AKR1C1: variants seen among roughly 807,000 people sequenced by gnomAD.
The protein encoded by AKR1C1 is aldo-keto reductase family 1 member C1.
A neutral mutation model predicts 40.6 loss-of-function variants in AKR1C1; 32 were observed. That is an observed-to-expected ratio of 0.79 (90% CI 0.60 to 1.06). AKR1C1 has a LOEUF of 1.06. Ranked by LOEUF, AKR1C1 falls within the 50% of genes least tolerant of loss-of-function variation. AKR1C1 has a pLI of 0.00. For synonymous variants in AKR1C1, 105 were observed against 134.2 expected, an observed-to-expected ratio of 0.78 and a Z score of 1.50; for missense variants, 320 against 363.5, an observed-to-expected ratio of 0.88 and a Z score of 0.97.
At position 4,977,872 on chromosome 10, in the gene AKR1C1, C is replaced by A; in HGVS notation, c.*130C>A. 7.2e-7 allele frequency: 1 copy of A among 1,397,934 alleles called. No homozygotes were observed. The highest frequency in any genetic ancestry group is 9.8e-7 in the Non-Finnish European group (1 of 1,024,596). 86.6% of individuals were successfully genotyped at this position (1,397,934 alleles called of 1,614,324 possible). ...TCTCCTGCTTGGTGATTTCAGCAAG[C>A]TACAGCAAAGCCCATTGGCCAGAAA... is the stretch of plus-strand genomic sequence containing the variant. On this transcript the variant is annotated 3_prime_UTR_variant, in exon 9 of 9. Transcript: ENST00000380872.
At chr10:4,969,485 G>T (rs1009639804) in intron 5 of AKR1C1, among the ~76,000 whole-genome samples, 1 of 146,592 alleles carries the variant, frequency 6.8e-6, no homozygotes. Context: ...GTCATCCATG[G>T]TAGAAAGAGA....
chr10:4,968,947 G>A lies in AKR1C1; in HGVS notation c.570+3G>A, dbSNP rs776692909. 1 of 1,614,178 alleles carries A rather than the reference G, an allele frequency of 6.2e-7. No homozygotes were observed. The highest frequency in any genetic ancestry group is 1.7e-5 in the Admixed American group (1 of 60,020). ...AGTACAAGCCTGTCTGCAACCAGGT[G>A]AGCACCCTCAGCCTCCTCTCCTTTC... On this transcript the variant is annotated splice_donor_region_variant and intron_variant, in intron 5 of 8. Transcript: ENST00000380872.
At chr10:4,968,701 T>C (rs1836368420) in intron 4 of AKR1C1, 121 bp from the exon 5 acceptor site, 1 of 1,491,962 alleles carries the variant, frequency 6.7e-7, no homozygotes, top group South Asian at 1.3e-5. Context: ...TCTGTTTTAT[T>C]TTTTCCCTTT....
chr10:4,975,287 A>G (rs1836510047), intron 7 of AKR1C1, among the ~76,000 whole-genome samples: 1 of 152,064 alleles, frequency 6.6e-6, no homozygotes, highest in Non-Finnish European at 1.5e-5. Context: ...GGATTTATAC[A>G]CTTATTTGAT....
chr10:4,972,551 T>C (rs782436310), intron 6 of AKR1C1, 33 bp from the exon 7 acceptor site: 5 of 1,611,072 alleles, frequency 3.1e-6, no homozygotes, highest in Admixed American at 1.7e-5. Context: ...ATCCCCAGCC[T>C]CAGGGCCTCA....
intron 8 of AKR1C1, 27 bp from the exon 9 acceptor site, chr10:4,977,673 A>T (rs182908887): frequency 6.2e-7 from 1 of 1,612,436 alleles, no homozygotes; most frequent in Non-Finnish European, 8.5e-7. Context: ...TGCCATTCAG[A>T]GTGTGCATTT....
At chr10:4,971,771 A>G (rs554726280) in intron 5 of AKR1C1, among the ~76,000 whole-genome samples, 1 of 151,988 alleles carries the variant, frequency 6.6e-6, no homozygotes, top group Non-Finnish European at 1.5e-5. Flanking sequence ...TATATGTCAG[A>G]TCAATTAGAA....
In AKR1C1 at chr10:4,966,168, G is replaced by A; in HGVS notation, c.252+87G>A. On this transcript the variant is annotated intron_variant, in intron 2 of 8. Coordinates refer to ENST00000380872, the MANE Select transcript of AKR1C1 (RefSeq NM_001353.6). The stretch of plus-strand genomic sequence containing the variant: ...GTTCTATGACTGGATCCATAGTATA[G>A]GGTGAATTGTGCTTATTTATTACGA... 2.0e-6 allele frequency: 3 copies of A among 1,517,274 alleles called. No homozygotes were observed. The South Asian group carries it at 4.1e-5, about 21-fold the overall frequency. 94.0% of individuals were successfully genotyped at this position (1,517,274 alleles called of 1,614,324 possible). A position where few individuals can be genotyped will look rare whatever the true frequency, so the allele number is the denominator to read the frequency against.
Position 4,969,806 on chromosome 10 carries a change from T to G in AKR1C1, c.570+862T>G, listed in dbSNP as rs7087263. 8.8e-4 allele frequency: 1,328 copies of G among 1,510,756 alleles called. 12 individuals carry two copies. The African/African-American group carries it at 0.016, about 18-fold the overall frequency. The allele number at this position is 1,510,756 out of a possible 1,614,324, so 93.6% of individuals were successfully genotyped here. A position where few individuals can be genotyped will look rare whatever the true frequency, so the allele number is the denominator to read the frequency against. The stretch of plus-strand genomic sequence containing the variant: ...CTACACTTTTCCCAGTAAATTACAT[T>G]TTTTTGTTTTATTTTATGTTTTAAA... On this transcript the variant is annotated intron_variant, in intron 5 of 8. Coordinates refer to ENST00000380872, the MANE Select transcript of AKR1C1 (RefSeq NM_001353.6).
intron 6 of AKR1C1, 57 bp from the exon 7 acceptor site, chr10:4,972,527 G>A (rs1373517446): frequency 1.1e-5 from 18 of 1,610,402 alleles, no homozygotes; most frequent in African/African-American, 8.0e-5. Flanking sequence ...TTAGGGAGCC[G>A]CCTAACAAAC....
At chr10:4,977,464 T>C (rs1404080487) in intron 8 of AKR1C1, among the ~76,000 whole-genome samples, 1 of 152,228 alleles carries the variant, frequency 6.6e-6, no homozygotes, top group Non-Finnish European at 1.5e-5. Flanking sequence ...CATTTCACTT[T>C]GTGTGTTTTA....
intron 1 of AKR1C1, 182 bp from the exon 2 acceptor site, chr10:4,965,732 T>C: frequency 1.6e-6 from 1 of 625,858 alleles, no homozygotes; most frequent in Non-Finnish European, 2.6e-6. Flanking sequence ...AAGTTCCTGC[T>C]GTGCCCAACC....
At chr10:4,968,417 G>A in intron 4 of AKR1C1, 31 bp downstream of exon 4, 1 of 1,407,604 alleles carries the variant, frequency 7.1e-7, no homozygotes, top group Non-Finnish European at 9.9e-7. Context: ...GAACGGATAA[G>A]AAAGATGAGG....
intron 1 of AKR1C1, among the ~76,000 whole-genome samples, chr10:4,964,437 T>C (rs761545382): frequency 1.3e-5 from 2 of 152,210 alleles, no homozygotes; most frequent in Non-Finnish European, 2.9e-5. Flanking sequence ...GCTCCAGCTT[T>C]GGTAAGCCTT....
intron 7 of AKR1C1, among the ~76,000 whole-genome samples, 155 bp downstream of exon 7, chr10:4,972,904 C>T (rs1288357972): frequency 1.5e-4 from 23 of 152,394 alleles, no homozygotes; most frequent in South Asian, 8.3e-4. Context: ...TTCTTCTACT[C>T]TAGCACAGGA....
rs548129730 is a variant in AKR1C1 at position 4,967,352 on chromosome 10, T to C, written c.369+309T>C. On this transcript the variant is annotated intron_variant, in intron 3 of 8. Coordinates refer to ENST00000380872, the MANE Select transcript of AKR1C1 (RefSeq NM_001353.6). ...TGATTCCTGATTTCACCTCTTGGGATGTTCACAGACACAGAGTTTCATGAA... is the reference window on the plus strand; with the variant it reads ...TGATTCCTGATTTCACCTCTTGGGACGTTCACAGACACAGAGTTTCATGAA... 190 of 1,105,946 alleles carry C rather than the reference T, an allele frequency of 1.7e-4. No homozygotes were observed. The Middle Eastern group carries it at 3.0e-3, about 17-fold the overall frequency. 68.5% of individuals were successfully genotyped at this position (1,105,946 alleles called of 1,614,324 possible). A position where few individuals can be genotyped will look rare whatever the true frequency, so the allele number is the denominator to read the frequency against.
At chr10:4,968,243 T>C (rs1218385695) in intron 3 of AKR1C1, 66 bp from the exon 4 acceptor site, 6 of 1,431,984 alleles carry the variant, frequency 4.2e-6, no homozygotes, top group Middle Eastern at 1.9e-4. Context: ...TAAATGTACC[T>C]CAGAGCATGG....
rs538486418 is a variant in AKR1C1 at position 4,976,572 on chromosome 10, C to T, written c.929+639C>T. On this transcript the variant is annotated intron_variant, in intron 8 of 8. Coordinates refer to ENST00000380872, the MANE Select transcript of AKR1C1 (RefSeq NM_001353.6). ...GTTCTGCAATATGGAGATCTCAGTG[C>T]AGAGAATGAAGAAATGTTAAAATCA... is the stretch of plus-strand genomic sequence containing the variant. Among the ~76,000 whole-genome samples, 401 of 152,218 alleles carry T rather than the reference C, an allele frequency of 2.6e-3. 4 individuals are homozygous for T. Among genetic ancestry groups the T allele is most frequent in the African/African-American group, 9.5e-3 (393 of 41,530 alleles).
rs868934166 is a variant in AKR1C1, at chr10:4,978,020, T to C, written c.*278T>C. ...TTTCCTTCTGACACACTAGTGCCCC[T>C]AAATTGTGATTTGCCTATACGTTTA... On this transcript the variant is annotated 3_prime_UTR_variant, in exon 9 of 9. Coordinates refer to ENST00000380872, the MANE Select transcript of AKR1C1 (RefSeq NM_001353.6). 14,437 of 476,698 alleles carry C rather than the reference T, an allele frequency of 0.03. 277 individuals carry two copies. The highest frequency in any genetic ancestry group is 0.038 in the Non-Finnish European group (10,291 of 267,896). 29.5% of individuals were successfully genotyped at this position (476,698 alleles called of 1,614,324 possible).
Sources: allele counts gnomAD v4.1 joint callset (sites outside exome capture counted in the v4.1 genomes callset), GRCh38; gene constraint gnomAD v4.1.1; transcripts MANE v1.5; gene names NCBI Gene and HGNC (gene_info 2026-07-23, HGNC 2026-07-21).